The following NXF1 variants were observed in gnomAD, a reference collection of about 807,000 sequenced individuals.
NXF1 encodes nuclear RNA export factor 1.
A neutral mutation model predicts 92.4 loss-of-function variants in NXF1; 43 were observed. The observed-to-expected ratio is 0.47, with a 90% CI of 0.36 to 0.60. The LOEUF (loss-of-function observed/expected upper bound fraction) is 0.60. NXF1 is among the 20% of genes least tolerant of loss of function. The pLI, the probability that NXF1 is intolerant of heterozygous loss-of-function variation, is 0.00. For synonymous variants in NXF1, 288 were observed against 292.2 expected (o/e 0.99, Z 0.15); for missense variants, 576 against 793.0 (o/e 0.73, Z 3.29).
At position 62,802,240 on chromosome 11, in the gene NXF1, A is replaced by G. The variant is rs2134778553; in HGVS notation, c.390T>C (p.Tyr130=). 6.2e-7 allele frequency: 1 copy of G among 1,614,166 alleles called. No individual in the cohort carries two copies. Among genetic ancestry groups the G allele is most frequent in the Non-Finnish European group, 8.5e-7 (1 of 1,179,988 alleles). The stretch of plus-strand genomic sequence containing the variant: ...TCATGCTCAGGAGCCATGCCTTGTC[A>G]TACTTTCTGCCATAAGGAATCTAGA... ...FKITIPYGRK[Y]DKAWLLSMIQ... The change falls in exon 4 of 21, where the codon TAT becomes TAC. Residue 130 remains tyrosine, a synonymous_variant. Coordinates refer to ENST00000294172, the MANE Select transcript of NXF1 (RefSeq NM_006362.5).
In NXF1 at chr11:62,802,273, GAA is replaced by G. The variant is rs762072016; in HGVS notation, c.370-15_370-14del. Reference sequence around the variant, plus strand: ...TGCCATAAGGAATCTAGAAATGAGAGAAAGAGAAAAGAAGGGAATGATAAGTA... The same window carrying G: ...TGCCATAAGGAATCTAGAAATGAGAGAGAGAAAAGAAGGGAATGATAAGTA... On this transcript the variant is annotated splice_polypyrimidine_tract_variant and intron_variant, in intron 3 of 20. Coordinates refer to ENST00000294172, the MANE Select transcript of NXF1 (RefSeq NM_006362.5). The G allele has an allele frequency of 1.2e-6, 2 of 1,610,190 alleles. No homozygotes were observed. The highest frequency in any genetic ancestry group is 1.7e-5 in the Admixed American group (1 of 59,968).
At chr11:62,792,555 G>A (rs755985871) in intron 20 of NXF1, 41 bp from the exon 21 acceptor site, 44 of 1,613,658 alleles carry the variant, frequency 2.7e-5, no homozygotes, top group Non-Finnish European at 3.4e-5. Flanking sequence ...GCCTACCCTC[G>A]CCACTCAGCA....
At chr11:62,797,289 C>G in intron 12 of NXF1, 29 bp downstream of exon 12, 2 of 1,614,098 alleles carry the variant, frequency 1.2e-6, no homozygotes, top group South Asian at 2.2e-5. Context: ...TCTCCACACA[C>G]AAGTTCTTAC....
rs1015238669 is a variant in NXF1, at chr11:62,804,079, T to C, written c.29-101A>G. The stretch of plus-strand genomic sequence containing the variant: ...ACTCTGAACTATTGGAAGAGATACA[T>C]ACTAACGACAGAGGCCATCTCCATG... On this transcript the variant is annotated intron_variant, in intron 1 of 20. Transcript: ENST00000294172. 3.8e-6 allele frequency: 6 copies of C among 1,595,818 alleles called. No homozygotes were observed. In the African/African-American group the frequency reaches 4.0e-5, roughly 11 times the overall value.
chr11:62,803,733 A>G, intron 2 of NXF1, 59 bp downstream of exon 2: 1 of 1,571,794 alleles, frequency 6.4e-7, no homozygotes. Context: ...CATGGACAGT[A>G]AAAGGGCCAT....
intron 18 of NXF1, 127 bp from the exon 19 acceptor site, chr11:62,794,567 A>G: frequency 2.5e-6 from 2 of 801,552 alleles, no homozygotes; most frequent in Admixed American, 2.6e-5. Flanking sequence ...GTTACCTTTT[A>G]TCATTTATCC....
chr11:62,797,282 C>T, intron 12 of NXF1, 36 bp downstream of exon 12: 2 of 1,614,066 alleles, frequency 1.2e-6, no homozygotes, highest in Non-Finnish European at 1.7e-6. Context: ...AGTATTCTCT[C>T]CACACACAAG....
chr11:62,798,415 CGAGT>C (rs2084443083), intron 11 of NXF1, 120 bp downstream of exon 11: 1 of 1,377,006 alleles, frequency 7.3e-7, no homozygotes, highest in Admixed American at 2.9e-5. Flanking sequence ...GCCTGGGCGA[CGAGT>C]GAAACTCCGT....
chr11:62,798,595 A>G lies in NXF1; in HGVS notation c.1017-20T>C. 1 of 1,613,938 alleles carries G rather than the reference A, an allele frequency of 6.2e-7. No homozygotes were observed. The highest frequency in any genetic ancestry group is 8.5e-7 in the Non-Finnish European group (1 of 1,179,920). Reference sequence around the variant, plus strand: ...ATGGCGCTGTCAAGAACGGGACAGAAGTGAGTGATGCTTCAGAGCCACCGT... The same window carrying G: ...ATGGCGCTGTCAAGAACGGGACAGAGGTGAGTGATGCTTCAGAGCCACCGT... On this transcript the variant is annotated intron_variant, in intron 10 of 20. Transcript: ENST00000294172.
intron 10 of NXF1, chr11:62,799,510 G>C: frequency 1.0e-6 from 1 of 985,828 alleles, no homozygotes; most frequent in Non-Finnish European, 1.2e-6. Flanking sequence ...CTCTCCTGAT[G>C]GCCCCTCTGC....
chr11:62,804,057 C>A, intron 1 of NXF1, 79 bp from the exon 2 acceptor site: 1 of 1,599,314 alleles, frequency 6.3e-7, no homozygotes, highest in South Asian at 1.1e-5. Context: ...TTCTAGTACT[C>A]TGAACTATTG....
rs574675649 is a variant in NXF1, at chr11:62,792,194, A to G, written c.*282T>C. On this transcript the variant is annotated 3_prime_UTR_variant, in exon 21 of 21. Coordinates refer to ENST00000294172, the MANE Select transcript of NXF1 (RefSeq NM_006362.5). ...AATACAACATCACTCTTTATATTAA[A>G]AAGTAAGGAGGTCCTGGGGTTAAGT... is the stretch of plus-strand genomic sequence containing the variant. The G allele has an allele frequency of 1.6e-6, 1 of 642,572 alleles. No homozygotes were observed. The highest frequency in any genetic ancestry group is 2.9e-5 in the Admixed American group (1 of 34,028). 39.8% of individuals were successfully genotyped at this position (642,572 alleles called of 1,614,324 possible).
chr11:62,796,456 T>C lies in NXF1; in HGVS notation c.1286+4A>G, dbSNP rs201490270. 2.9e-4 allele frequency: 462 copies of C among 1,614,002 alleles called. 2 individuals carry two copies. The highest frequency in any genetic ancestry group is 6.8e-4 in the South Asian group (62 of 91,082). On this transcript the variant is annotated splice_donor_region_variant and intron_variant, in intron 14 of 20. Coordinates refer to ENST00000294172, the MANE Select transcript of NXF1 (RefSeq NM_006362.5). ...CCGGGCAGATTCTGGGATGTGATAC[T>C]AACCGGGCAGGGTTCTGAGGAATGA... is the stretch of plus-strand genomic sequence containing the variant.
rs2084480902 is a variant in NXF1, at chr11:62,801,721, A to G, written c.639+18T>C. ...TAGTAAGACTGGGTTGGAAACATCTAATTTGAGCCTGCCTCACCTTTAGCT... is the reference window on the plus strand; with the variant it reads ...TAGTAAGACTGGGTTGGAAACATCTGATTTGAGCCTGCCTCACCTTTAGCT... On this transcript the variant is annotated intron_variant, in intron 6 of 20. Coordinates refer to ENST00000294172, the MANE Select transcript of NXF1 (RefSeq NM_006362.5). 5.0e-6 allele frequency: 8 copies of G among 1,612,250 alleles called. No individual in the cohort carries two copies. The Admixed American group carries it at 1.2e-4, about 24-fold the overall frequency.
In NXF1 at chr11:62,797,220, C is replaced by T; in HGVS notation, c.1141G>A (p.Glu381Lys). 6.2e-7 allele frequency: 1 copy of T among 1,614,230 alleles called. No individual in the cohort carries two copies. The highest frequency in any genetic ancestry group is 8.5e-7 in the Non-Finnish European group (1 of 1,180,034). The part of the protein sequence containing the change: ...PPCKGSYFGT[E>K]NLKSLVLHFL... The stretch of plus-strand genomic sequence containing the variant: ...TGCAAGACCAGACTCTTCAAGTTTT[C>T]TGTTCCAAAATAGCTTCCCTGAAAT... Residue 381 changes from glutamate (E) to lysine (K), a missense_variant, in exon 13 of 21, where the codon GAA becomes AAA. By Grantham distance (56) the Glu-to-Lys change is moderately conservative. Coordinates refer to ENST00000294172, the MANE Select transcript of NXF1 (RefSeq NM_006362.5).
rs770482309 is a variant in NXF1 at position 62,801,316 on chromosome 11, C to A, written c.798+13G>T. On this transcript the variant is annotated intron_variant, in intron 8 of 20. Transcript: ENST00000294172. ...CTGCTTCCTCATGCCTAATACTGGG[C>A]CAAAGGCCTTACCTCAGGGATGTTC... 1 of 1,613,720 alleles carries A rather than the reference C, an allele frequency of 6.2e-7. No individual in the cohort carries two copies. The highest frequency in any genetic ancestry group is 2.2e-5 in the East Asian group (1 of 44,886).
At chr11:62,794,542 C>A in intron 18 of NXF1, 102 bp from the exon 19 acceptor site, 1 of 992,428 alleles carries the variant, frequency 1.0e-6, no homozygotes. Flanking sequence ...GGTCCCCCTC[C>A]CACTCTTAGC....
At chr11:62,800,806 G>T (rs538074197) in intron 9 of NXF1, among the ~76,000 whole-genome samples, 1 of 151,760 alleles carries the variant, frequency 6.6e-6, no homozygotes, top group Non-Finnish European at 1.5e-5. Flanking sequence ...TTTGAGACAG[G>T]TTGCTCAGGC....
Position 62,803,885 on chromosome 11 carries a change from C to G in NXF1, c.122G>C (p.Gly41Ala). 6.2e-7 allele frequency: 1 copy of G among 1,614,224 alleles called. No homozygotes were observed. Among genetic ancestry groups the G allele is most frequent in the Non-Finnish European group, 8.5e-7 (1 of 1,180,042 alleles). Reference protein sequence around the residue: ...WKYGEGNRRSGRGGSGIRSSR... With the variant: ...WKYGEGNRRSARGGSGIRSSR... ...AGACCGAATACCAGAACCGCCTCTT[C>G]CAGACCTACGGTTTCCTTCACCATA... Residue 41 changes from glycine (G) to alanine (A), a missense_variant, in exon 2 of 21, where the codon GGA (glycine) becomes GCA (alanine). By Grantham distance (60) the Gly-to-Ala change is moderately conservative. Transcript: ENST00000294172.
Sources: gnomAD v4.1 joint callset for allele counts (sites outside exome capture counted in the v4.1 genomes callset) on GRCh38, gnomAD v4.1.1 for gene constraint, MANE v1.5 for transcripts, NCBI Gene and HGNC (gene_info 2026-07-23, HGNC 2026-07-21) for gene names.